Variants in HDAC4 observed in about 807,000 individuals in gnomAD.
HDAC4 encodes the protein histone deacetylase A.
Under a neutral mutation model 135.1 loss-of-function variants are expected in HDAC4, and 16 were observed. That is an observed-to-expected ratio of 0.12 (90% CI 0.08 to 0.18). HDAC4 has a LOEUF of 0.18. Among genes scored for constraint, HDAC4 ranks in the 10% least tolerant of loss-of-function variants. The pLI, the probability that HDAC4 is intolerant of heterozygous loss-of-function variation, is 1.00. For missense variants in HDAC4, 1,143 were observed against 1,511.8 expected (o/e 0.76, Z 4.05); for synonymous variants, 685 against 653.4 (o/e 1.05, Z -0.74).
chr2:239,332,851 C>T (rs7589695), intron 2 of HDAC4, among the ~76,000 whole-genome samples: 107,108 of 151,820 alleles, frequency 0.71, 38,908 homozygotes, highest in African/African-American at 0.9. Flanking sequence ...AATGAGAGAA[C>T]AAACAATATC....
At chr2:239,135,507 G>A (rs1032140467) in intron 9 of HDAC4, among the ~76,000 whole-genome samples, 3 of 152,202 alleles carry the variant, frequency 2.0e-5, no homozygotes, top group African/African-American at 7.2e-5. Context: ...TTTGAAACAT[G>A]GTAATACCAT....
chr2:239,189,735 C>T, intron 4 of HDAC4, 98 bp downstream of exon 4: 4 of 1,244,670 alleles, frequency 3.2e-6, no homozygotes, highest in Non-Finnish European at 4.5e-6. Flanking sequence ...TGCATCATGC[C>T]TGGGGCCCCA....
At position 239,308,942 on chromosome 2, in the gene HDAC4, C is replaced by A. The variant is rs2052741902; in HGVS notation, c.22+43736G>T. ...GGTGCCACAGTGCTCCCAGCTCCCC[C>A]AGAGGCTGAGTTCAAACATTCTAAA... On this transcript the variant is annotated intron_variant, in intron 2 of 26. Transcript: ENST00000543185. The surrounding 1 kb of genome is among the most constrained non-coding windows in gnomAD (Gnocchi z 4.2). 1 of 152,230 alleles carries A rather than the reference C, an allele frequency of 6.6e-6. No individual in the cohort carries two copies. Among genetic ancestry groups the A allele is most frequent in the Admixed American group, 6.5e-5 (1 of 15,288 alleles). 9.4% of individuals were successfully genotyped at this position (152,230 alleles called of 1,614,324 possible). A position where few individuals can be genotyped will look rare whatever the true frequency, so the allele number is the denominator to read the frequency against.
chr2:239,321,637 C>T (rs1001612134), intron 2 of HDAC4, among the ~76,000 whole-genome samples: 11 of 152,110 alleles, frequency 7.2e-5, no homozygotes, highest in African/African-American at 2.7e-4. Context: ...CTCAGAAGTT[C>T]TTCCTTTTAG....
At chr2:239,092,144 C>T (rs891840409) in intron 17 of HDAC4, among the ~76,000 whole-genome samples, 2 of 151,082 alleles carry the variant, frequency 1.3e-5, no homozygotes, top group African/African-American at 4.9e-5. Context: ...GACGCTGAGG[C>T]GGGAAGATCA....
intron 16 of HDAC4, chr2:239,102,517 A>G (rs2037758703): frequency 4.1e-6 from 2 of 486,346 alleles, no homozygotes; most frequent in Non-Finnish European, 7.5e-6. Context: ...CAGCCTCTCA[A>G]ACCTAAACTC....
At position 239,095,066 on chromosome 2, in the gene HDAC4, G is replaced by A; in HGVS notation, c.2234-10C>T. The A allele has an allele frequency of 2.5e-6, 4 of 1,613,814 alleles. No individual in the cohort carries two copies. Among genetic ancestry groups the A allele is most frequent in the Non-Finnish European group, 3.4e-6 (4 of 1,179,956 alleles). On this transcript the variant is annotated splice_polypyrimidine_tract_variant and intron_variant, in intron 16 of 26. Coordinates refer to ENST00000543185, the MANE Select transcript of HDAC4 (RefSeq NM_001378414.1). ...ACGGAGGCGAGCGAGCCTGTGGGGG[G>A]GAGGGAGACGGTCAGAGAGGCCAAG... is the stretch of plus-strand genomic sequence containing the variant.
At chr2:239,226,752 C>A (rs554892906) in intron 3 of HDAC4, among the ~76,000 whole-genome samples, 2 of 152,186 alleles carry the variant, frequency 1.3e-5, no homozygotes, top group Non-Finnish European at 2.9e-5. Context: ...TCAGGCACTG[C>A]GGACAGGGAA....
chr2:239,201,204 TGA>T (rs2045734992), intron 3 of HDAC4, among the ~76,000 whole-genome samples: 1 of 152,036 alleles, frequency 6.6e-6, no homozygotes, highest in Non-Finnish European at 1.5e-5. Context: ...GGCTGAACAG[TGA>T]GAGGAGGCTG....
At chr2:239,317,953 C>A (rs570595333) in intron 2 of HDAC4, among the ~76,000 whole-genome samples, 1 of 146,132 alleles carries the variant, frequency 6.8e-6, no homozygotes, top group African/African-American at 2.8e-5. Flanking sequence ...CACTAGATGA[C>A]CATTTCACTT....
intron 3 of HDAC4, among the ~76,000 whole-genome samples, chr2:239,231,358 A>G (rs1054743788): frequency 6.6e-6 from 1 of 152,136 alleles, no homozygotes; most frequent in Non-Finnish European, 1.5e-5. Flanking sequence ...CCCCAGTAGC[A>G]CAGCCCTCAG....
chr2:239,379,641 C>T (rs1695272556), intron 1 of HDAC4, among the ~76,000 whole-genome samples: 1 of 152,158 alleles, frequency 6.6e-6, no homozygotes, highest in Non-Finnish European at 1.5e-5. Context: ...CTTGGTGGCC[C>T]AGTCATCTTA....
intron 3 of HDAC4, 80 bp from the exon 4 acceptor site, chr2:239,190,157 T>C: frequency 2.4e-6 from 3 of 1,253,130 alleles, no homozygotes; most frequent in Non-Finnish European, 2.1e-6. Flanking sequence ...CCCAACACAC[T>C]GGCCACCTTC....
intron 8 of HDAC4, chr2:239,140,995 G>C: frequency 2.5e-6 from 1 of 395,690 alleles, no homozygotes; most frequent in Non-Finnish European, 5.4e-6. Context: ...CAACCTGGCA[G>C]ACCTGATTCC....
chr2:239,129,904 G>A (rs1381130329), intron 11 of HDAC4, among the ~76,000 whole-genome samples: 1 of 152,164 alleles, frequency 6.6e-6, no homozygotes, highest in Non-Finnish European at 1.5e-5. Flanking sequence ...ACCAGGTATG[G>A]GGATTTAAGA....
chr2:239,092,664 G>C (rs1467623692), intron 17 of HDAC4, among the ~76,000 whole-genome samples: 10 of 152,124 alleles, frequency 6.6e-5, no homozygotes, highest in African/African-American at 2.4e-5. Flanking sequence ...GAACTCAAGA[G>C]ACCCTCCTTC....
At chr2:239,092,920 C>T (rs1392726824) in intron 17 of HDAC4, among the ~76,000 whole-genome samples, 1 of 151,466 alleles carries the variant, frequency 6.6e-6, no homozygotes, top group African/African-American at 2.4e-5. Flanking sequence ...CTCTCTCTTT[C>T]GCAATAAAGA....
chr2:239,252,729 C>T (rs573435563), intron 2 of HDAC4, among the ~76,000 whole-genome samples: 7 of 152,284 alleles, frequency 4.6e-5, no homozygotes, highest in East Asian at 1.9e-4. Flanking sequence ...TTTTCTTAAA[C>T]GATTTTCCAA....
intron 3 of HDAC4, among the ~76,000 whole-genome samples, chr2:239,190,368 G>A (rs1156899246): frequency 2.0e-5 from 3 of 152,244 alleles, no homozygotes; most frequent in Non-Finnish European, 4.4e-5. Context: ...CTCCCCGGGA[G>A]GCCGGCTCTC....
Sources: allele counts gnomAD v4.1 joint callset (sites outside exome capture counted in the v4.1 genomes callset), GRCh38; gene constraint gnomAD v4.1.1; non-coding constraint Gnocchi (gnomAD v3.1); transcripts MANE v1.5; gene names NCBI Gene and HGNC (gene_info 2026-07-23, HGNC 2026-07-21).